Variants in NRF1 observed in about 807,000 individuals in gnomAD.
The protein encoded by NRF1 is alpha palindromic-binding protein.
In NRF1, 5 loss-of-function variants were observed where a neutral mutation model predicts 58.5. The observed-to-expected ratio is 0.09, with a 90% CI of 0.04 to 0.18. NRF1 has a LOEUF of 0.18. NRF1 is among the 10% of genes least tolerant of loss of function. NRF1 has a pLI of 1.00. For missense variants in NRF1, 288 were observed against 657.7 expected (o/e 0.44, Z 6.15); for synonymous variants, 224 against 246.7 (o/e 0.91, Z 0.86).
intron 10 of NRF1, among the ~76,000 whole-genome samples, chr7:129,733,704 T>C (rs1271385130): frequency 6.6e-6 from 1 of 152,220 alleles, no homozygotes; most frequent in East Asian, 1.9e-4. Context: ...CTTTTGATTT[T>C]TTTCAATTTC....
intron 5 of NRF1, among the ~76,000 whole-genome samples, chr7:129,693,028 C>T (rs1377949962): frequency 2.0e-5 from 3 of 152,204 alleles, no homozygotes; most frequent in Non-Finnish European, 2.9e-5. Context: ...AACTTGTATA[C>T]TTATTTGTGG....
intron 8 of NRF1, among the ~76,000 whole-genome samples, chr7:129,713,448 T>C (rs1803122092): frequency 6.6e-6 from 1 of 152,184 alleles, no homozygotes; most frequent in Non-Finnish European, 1.5e-5. Context: ...ACCATCAATA[T>C]ATGTAACAGT....
In NRF1 at chr7:129,657,502, A is replaced by C. The variant is rs1375293968; in HGVS notation, c.151A>C (p.Thr51Pro). Residue 51 changes from threonine (T) to proline (P), a missense_variant, in exon 2 of 11, where the codon ACC becomes CCC. Transcript: ENST00000393232. ...AGACTCGCCTTCTTCTCCCGAGGAC[A>C]CCTCTTACGATGACTCAGATATACT... ...DEDSPSSPED[T>P]SYDDSDILNS... is the part of the protein sequence containing the mutation. 2.5e-6 allele frequency: 4 copies of C among 1,613,428 alleles called. No individual in the cohort carries two copies. The African/African-American group carries it at 5.4e-5, about 22-fold the overall frequency.
chr7:129,624,248 A>G (rs1316771286), intron 1 of NRF1, among the ~76,000 whole-genome samples: 2 of 152,054 alleles, frequency 1.3e-5, no homozygotes, highest in Non-Finnish European at 2.9e-5. Context: ...TTTTTCCTTC[A>G]TCATAGGTGG....
At chr7:129,649,697 C>T (rs1028571878) in intron 1 of NRF1, among the ~76,000 whole-genome samples, 2 of 151,782 alleles carry the variant, frequency 1.3e-5, no homozygotes, top group Non-Finnish European at 2.9e-5. Flanking sequence ...TCTTCTGTAC[C>T]AGAGAGTACC....
chr7:129,657,557 C>T lies in NRF1; in HGVS notation c.206C>T (p.Ala69Val). ...LNSTAADEVT[A>V]HLAAAGPVGM... ...TCCACAGCAGCTGATGAGGTGACAGCTCATCTGGCAGCTGCAGGTAGTGTT... is the reference window on the plus strand; with the variant it reads ...TCCACAGCAGCTGATGAGGTGACAGTTCATCTGGCAGCTGCAGGTAGTGTT... The change falls in exon 2 of 11, where the codon GCT becomes GTT. Residue 69 changes from alanine (A) to valine (V), a missense_variant. By Grantham distance (64) the Ala-to-Val change is moderately conservative. Transcript: ENST00000393232. 6.2e-7 allele frequency: 1 copy of T among 1,611,616 alleles called. No individual in the cohort carries two copies. The highest frequency in any genetic ancestry group is 8.5e-7 in the Non-Finnish European group (1 of 1,178,070).
At chr7:129,740,851 G>A (rs1036227092) in intron 10 of NRF1, among the ~76,000 whole-genome samples, 1 of 152,104 alleles carries the variant, frequency 6.6e-6, no homozygotes, top group Non-Finnish European at 1.5e-5. Flanking sequence ...CTATTTGAAG[G>A]CTTAAAGACT....
intron 5 of NRF1, among the ~76,000 whole-genome samples, chr7:129,696,549 T>A (rs1472264806): frequency 1.3e-5 from 2 of 152,232 alleles, no homozygotes; most frequent in Non-Finnish European, 2.9e-5. Context: ...TTACTGGACA[T>A]TAATTCTAGA....
chr7:129,657,244 T>C, intron 1 of NRF1, 102 bp from the exon 2 acceptor site: 1 of 824,266 alleles, frequency 1.2e-6, no homozygotes, highest in African/African-American at 1.7e-5. Context: ...AATTGGAATT[T>C]TGTCAAGGTT....
At chr7:129,749,461 G>C (rs552727839) in intron 10 of NRF1, among the ~76,000 whole-genome samples, 4 of 152,050 alleles carry the variant, frequency 2.6e-5, no homozygotes, top group Admixed American at 2.6e-4. Flanking sequence ...AGCCATGTCA[G>C]GCCTCATTGT....
chr7:129,615,298 G>A (rs1800637475), intron 1 of NRF1, among the ~76,000 whole-genome samples: 1 of 152,176 alleles, frequency 6.6e-6, no homozygotes, highest in South Asian at 2.1e-4. Flanking sequence ...GAAGGGTGAG[G>A]GGAAACTCCC....
intron 1 of NRF1, among the ~76,000 whole-genome samples, chr7:129,655,142 G>GT (rs886278751): frequency 6.6e-5 from 10 of 151,360 alleles, no homozygotes; most frequent in Admixed American, 2.6e-4. Flanking sequence ...AGAGTTTTGT[G>GT]TTTTTTTTCA....
chr7:129,695,118 A>T (rs1802657256), intron 5 of NRF1, among the ~76,000 whole-genome samples: 2 of 152,180 alleles, frequency 1.3e-5, no homozygotes, highest in Admixed American at 6.5e-5. Flanking sequence ...CATTTTTTAT[A>T]TACTGTAATT....
chr7:129,719,134 TC>T (rs1803256935), intron 9 of NRF1, among the ~76,000 whole-genome samples: 1 of 151,296 alleles, frequency 6.6e-6, no homozygotes, highest in Non-Finnish European at 1.5e-5. Context: ...GTAAAGTGAT[TC>T]TTTTTTTTTT....
intron 5 of NRF1, among the ~76,000 whole-genome samples, chr7:129,695,738 A>G (rs544766382): frequency 6.6e-6 from 1 of 151,116 alleles, no homozygotes; most frequent in Admixed American, 6.6e-5. Context: ...TAAAACATTA[A>G]CATAAAATAT....
chr7:129,749,517 T>C (rs949841515), intron 10 of NRF1, among the ~76,000 whole-genome samples: 2 of 152,166 alleles, frequency 1.3e-5, no homozygotes, highest in African/African-American at 4.8e-5. Flanking sequence ...TCCAGAGATT[T>C]GGGTCCAACT....
intron 4 of NRF1, among the ~76,000 whole-genome samples, chr7:129,688,690 GAC>G (rs113219146): frequency 0.075 from 10,857 of 144,906 alleles, 1,101 homozygotes; most frequent in African/African-American, 0.27. Flanking sequence ...GCAGGAGAGA[GAC>G]AGAGAGAGAG....
At chr7:129,668,042 G>A (rs992811215) in intron 2 of NRF1, among the ~76,000 whole-genome samples, 7 of 152,064 alleles carry the variant, frequency 4.6e-5, no homozygotes, top group African/African-American at 1.4e-4. Context: ...TGGATTACAA[G>A]CTTTCTTTTG....
intron 1 of NRF1, among the ~76,000 whole-genome samples, chr7:129,646,317 C>CTGTG (rs1801404591): frequency 6.6e-6 from 1 of 152,158 alleles, no homozygotes; most frequent in African/African-American, 2.4e-5. Flanking sequence ...CTTACCAGCA[C>CTGTG]TGTATGAGTA....
Sources: allele counts gnomAD v4.1 joint callset (sites outside exome capture counted in the v4.1 genomes callset), GRCh38; gene constraint gnomAD v4.1.1; transcripts MANE v1.5; gene names NCBI Gene and HGNC (gene_info 2026-07-23, HGNC 2026-07-21).